The following LRRC27 variants were observed in gnomAD, a reference collection of about 807,000 sequenced individuals.
The protein encoded by LRRC27 is leucine rich repeat containing 27.
LRRC27 carries 57 observed loss-of-function variants against 55.0 expected under a neutral mutation model. That is an observed-to-expected ratio of 1.04 (90% CI 0.84 to 1.29). LRRC27 has a LOEUF of 1.29. LRRC27 is among the 50% of genes most tolerant of loss of function. LRRC27 has a pLI of 0.00. For missense variants in LRRC27, 721 were observed against 651.5 expected, an observed-to-expected ratio of 1.11 and a Z score of -1.16; for synonymous variants, 278 against 251.9, an observed-to-expected ratio of 1.10 and a Z score of -0.98.
chr10:132,364,598 A>ATCTAC (rs2068914712), intron 9 of LRRC27, among the ~76,000 whole-genome samples: 2 of 25,876 alleles, frequency 7.7e-5, no homozygotes, highest in Non-Finnish European at 1.6e-4. Context: ...ACACTCAGGC[A>ATCTAC]GTCCGCGTCC....
Position 132,374,046 on chromosome 10 carries a change from CG to C in LRRC27, c.1417-1015del, listed in dbSNP as rs2069283583. Among the ~76,000 whole-genome samples the C allele has an allele frequency of 6.6e-6, 1 of 151,212 alleles. No homozygotes were observed. The highest frequency in any genetic ancestry group is 2.4e-5 in the African/African-American group (1 of 41,064). On this transcript the variant is annotated intron_variant, in intron 10 of 10. Transcript: ENST00000368614. This position sits in a 1 kb window ranked among gnomAD's most constrained non-coding sequence, Gnocchi z 4.4. ...CTAGCCCACAGTTACGATATGGGGG[CG>C]GGGGAGGCTGCAGGGGTCTCCGGGG... is the stretch of plus-strand genomic sequence containing the variant.
upstream of LRRC27, among the ~76,000 whole-genome samples, chr10:132,330,962 G>T (rs7096166): frequency 0.36 from 54,365 of 150,440 alleles, 9,933 homozygotes; most frequent in Non-Finnish European, 0.4. Flanking sequence ...CAGCACTTTG[G>T]GAGGCCGAGG....
At chr10:132,336,968 C>T in intron 2 of LRRC27, 1 of 679,884 alleles carries the variant, frequency 1.5e-6, no homozygotes, top group Non-Finnish European at 2.3e-6. Context: ...TCATCTTCCA[C>T]CTTCCCTTAT....
At position 132,333,577 on chromosome 10, in the gene LRRC27, A is replaced by G; in HGVS notation, c.53A>G (p.Glu18Gly). The G allele has an allele frequency of 6.2e-7, 1 of 1,611,630 alleles. No individual in the cohort carries two copies. Among genetic ancestry groups the G allele is most frequent in the Non-Finnish European group, 8.5e-7 (1 of 1,179,612 alleles). Residue 18 changes from glutamate to glycine, a missense_variant, in exon 2 of 11, where the codon GAG becomes GGG. Transcript: ENST00000368614. Reference sequence around the variant, plus strand: ...CCCTCTGTGGCTGCTGCTGATCTGGAGGAGGGTGCTGGTCAGACTAGGAGC... The same window carrying G: ...CCCTCTGTGGCTGCTGCTGATCTGGGGGAGGGTGCTGGTCAGACTAGGAGC... ...EVPSVAAADL[E>G]EGAGQTRSLP...
rs1305947537 is a variant in LRRC27, at chr10:132,333,676, A to G, written c.152A>G (p.Asp51Gly). ...ATCTTTTCCTCCTCACCGATTTTAG[A>G]CTTGAGTGAAAGTGGTCTGTGCCGT... ...GIIFSSSPIL[D>G]LSESGLCRLE... Residue 51 changes from aspartate (D) to glycine (G), a missense_variant, in exon 2 of 11, where the codon GAC (aspartate) becomes GGC (glycine). By Grantham distance (94) the Asp-to-Gly change is moderately conservative (BLOSUM62 -1). Transcript: ENST00000368614. 4.3e-6 allele frequency: 7 copies of G among 1,613,724 alleles called. No individual in the cohort carries two copies. The South Asian group carries it at 7.7e-5, about 18-fold the overall frequency.
At chr10:132,340,194 T>G (rs2138652079) in intron 3 of LRRC27, among the ~76,000 whole-genome samples, 1 of 152,332 alleles carries the variant, frequency 6.6e-6, no homozygotes, top group South Asian at 2.1e-4. Context: ...TTAAAATCAA[T>G]GAAACGAATC....
rs534798623 is a variant in LRRC27, at chr10:132,351,846, GTTTA to G, written c.1073+94_1073+97del. The G allele has an allele frequency of 1.4e-4, 194 of 1,386,998 alleles. 1 individual carries two copies. The East Asian group carries it at 3.6e-3, about 26-fold the overall frequency. The allele number at this position is 1,386,998 out of a possible 1,614,324, so 85.9% of individuals were successfully genotyped here. On this transcript the variant is annotated intron_variant, in intron 7 of 10. Transcript: ENST00000368614. ...ATTTTATGGCAGGCCTCGTGGAAGT[GTTTA>G]GTTAGTTCTCCCCTCACTGATGCTG...
At position 132,348,617 on chromosome 10, in the gene LRRC27, C is replaced by T. The variant is rs2067843694; in HGVS notation, c.926+261C>T. 5.3e-5 allele frequency among the ~76,000 whole-genome samples: 8 copies of T among 152,248 alleles called. No homozygotes were observed. The South Asian group carries it at 1.7e-3, about 32-fold the overall frequency. ...GCCCGGGGAAAAGAGACATAAGCGA[C>T]AGTGAGATCTGTGGCCTGTGCTTTC... On this transcript the variant is annotated intron_variant, in intron 6 of 10. Coordinates refer to ENST00000368614, the MANE Select transcript of LRRC27 (RefSeq NM_030626.3). This position sits in a 1 kb window ranked among gnomAD's most constrained non-coding sequence, Gnocchi z 4.2.
upstream of LRRC27, chr10:132,331,946 C>A: frequency 1.8e-6 from 1 of 570,700 alleles, no homozygotes; most frequent in East Asian, 3.5e-5. Flanking sequence ...ACCCCCCGCC[C>A]CAGCGCAGGC....
chr10:132,381,418 C>T lies in LRRC27; in HGVS notation c.*6176C>T, dbSNP rs1329394804. ...CTCAGACTGAGCTACTACTGGCTTCCTTGCCCCTCAGTTTGCAGACAGCCT... is the reference window on the plus strand; with the variant it reads ...CTCAGACTGAGCTACTACTGGCTTCTTTGCCCCTCAGTTTGCAGACAGCCT... On this transcript the variant is annotated 3_prime_UTR_variant, in exon 11 of 11. Coordinates refer to ENST00000368614, the MANE Select transcript of LRRC27 (RefSeq NM_030626.3). Among the ~76,000 whole-genome samples the T allele has an allele frequency of 6.6e-6, 1 of 152,246 alleles. No homozygotes were observed. Among genetic ancestry groups the T allele is most frequent in the East Asian group, 1.9e-4 (1 of 5,206 alleles).
chr10:132,331,482 T>C (rs1374259976), upstream of LRRC27: 29 of 1,612,718 alleles, frequency 1.8e-5, no homozygotes, highest in East Asian at 2.2e-5. Flanking sequence ...GCAGCCTTAC[T>C]TCTCCAAAGA....
chr10:132,348,851 C>A lies in LRRC27; in HGVS notation c.926+495C>A. On this transcript the variant is annotated intron_variant, in intron 6 of 10. Coordinates refer to ENST00000368614, the MANE Select transcript of LRRC27 (RefSeq NM_030626.3). The surrounding 1 kb of genome is among the most constrained non-coding windows in gnomAD (Gnocchi z 4.2). ...CAGTTATGCAGAAAATAAATGGCAGCTGCCTGGGGACAAAAGGAAGGCAGT... is the reference window on the plus strand; with the variant it reads ...CAGTTATGCAGAAAATAAATGGCAGATGCCTGGGGACAAAAGGAAGGCAGT... 3 of 699,492 alleles carry A rather than the reference C, an allele frequency of 4.3e-6. No homozygotes were observed. The highest frequency in any genetic ancestry group is 1.8e-5 in the South Asian group (1 of 57,140). 43.3% of individuals were successfully genotyped at this position (699,492 alleles called of 1,614,324 possible). A position where few individuals can be genotyped will look rare whatever the true frequency, so the allele number is the denominator to read the frequency against.
At chr10:132,335,961 C>T (rs540338282) in intron 2 of LRRC27, among the ~76,000 whole-genome samples, 31 of 152,214 alleles carry the variant, frequency 2.0e-4, no homozygotes, top group Middle Eastern at 6.8e-3. Flanking sequence ...AAGCAGGCAT[C>T]GGCTATCCAA....
intron 8 of LRRC27, among the ~76,000 whole-genome samples, chr10:132,357,150 CA>C (rs1329342788): frequency 6.6e-6 from 1 of 152,224 alleles, no homozygotes. Context: ...TGACATCTTA[CA>C]TAACCTCAAA....
intron 5 of LRRC27, among the ~76,000 whole-genome samples, chr10:132,345,773 C>A (rs571690726): frequency 6.6e-6 from 1 of 152,088 alleles, no homozygotes; most frequent in African/African-American, 2.4e-5. Flanking sequence ...CAGCCGGAGC[C>A]AGGACACAGG....
chr10:132,356,720 G>A (rs1039737494), intron 8 of LRRC27, among the ~76,000 whole-genome samples: 5 of 152,266 alleles, frequency 3.3e-5, no homozygotes, highest in South Asian at 2.1e-4. Context: ...TAGTCCAGCC[G>A]GGCACAGGGC....
chr10:132,364,338 CCACACTTAATCTACCTCCACACCCGCGCT>C, intron 9 of LRRC27, among the ~76,000 whole-genome samples: 1 of 95,694 alleles, frequency 1.0e-5, no homozygotes, highest in South Asian at 4.0e-4. Context: ...ATGACCACAC[CCACACTTAATCTACCTCCACACCCGCGCT>C]TACACCCACC....
chr10:132,361,708 G>T, intron 9 of LRRC27, 133 bp downstream of exon 9: 1 of 686,912 alleles, frequency 1.5e-6, no homozygotes, highest in Non-Finnish European at 2.5e-6. Flanking sequence ...CCAGGCTGTG[G>T]CGGGCTCCAG....
intron 5 of LRRC27, among the ~76,000 whole-genome samples, chr10:132,345,726 A>C (rs895028032): frequency 4.6e-5 from 7 of 152,220 alleles, no homozygotes; most frequent in African/African-American, 1.7e-4. Flanking sequence ...ACCTGGAGAC[A>C]GCTGGGACAA....
Sources: allele counts gnomAD v4.1 joint callset (sites outside exome capture counted in the v4.1 genomes callset), GRCh38; gene constraint gnomAD v4.1.1; non-coding constraint Gnocchi (gnomAD v3.1); transcripts MANE v1.5; gene names NCBI Gene and HGNC (gene_info 2026-07-23, HGNC 2026-07-21).